Variants in PUS1 observed in about 807,000 individuals in gnomAD.
PUS1 encodes the protein pseudouridylate synthase 1 homolog.
In PUS1, 25 loss-of-function variants were observed where a neutral mutation model predicts 38.5. The observed-to-expected ratio is 0.65, with a 90% CI of 0.47 to 0.91. PUS1 has a LOEUF of 0.91. Ranked by LOEUF, PUS1 falls within the 40% of genes least tolerant of loss-of-function variation. PUS1 has a pLI of 0.00. For synonymous variants in PUS1, 282 were observed against 260.4 expected (o/e 1.08, Z -0.80); for missense variants, 597 against 612.3 (o/e 0.97, Z 0.26).
chr12:131,941,773 G>C lies in PUS1; in HGVS notation c.1026G>C (p.Lys342Asn), dbSNP rs1176704866. ...GLVLERVHFE[K>N]YNQRFGNDGL... ...TCCTGGAGAGGGTGCACTTCGAGAA[G>C]TACAACCAGCGCTTTGGCAACGATG... Residue 342 changes from lysine (K) to asparagine (N), a missense_variant, in exon 5 of 6, where the codon AAG becomes AAC. Coordinates refer to ENST00000376649, the MANE Select transcript of PUS1 (RefSeq NM_025215.6). This position sits in a 1 kb window ranked among gnomAD's most constrained non-coding sequence, Gnocchi z 4.4. 1.9e-6 allele frequency: 3 copies of C among 1,613,722 alleles called. No individual in the cohort carries two copies. The highest frequency in any genetic ancestry group is 2.5e-6 in the Non-Finnish European group (3 of 1,179,652).
In PUS1 at chr12:131,943,881, A is replaced by G; in HGVS notation, c.*295A>G. On this transcript the variant is annotated 3_prime_UTR_variant, in exon 6 of 6. Coordinates refer to ENST00000376649, the MANE Select transcript of PUS1 (RefSeq NM_025215.6). ...TCAATCCTTGGTTTGCCTTTTTCTTAGTCTTTTTTAACATTTTTTTCGTCC... is the reference window on the plus strand; with the variant it reads ...TCAATCCTTGGTTTGCCTTTTTCTTGGTCTTTTTTAACATTTTTTTCGTCC... The G allele has an allele frequency of 2.5e-6, 1 of 403,398 alleles. No homozygotes were observed. The highest frequency in any genetic ancestry group is 4.7e-6 in the Non-Finnish European group (1 of 212,950). The allele number at this position is 403,398 out of a possible 1,614,324, so 25.0% of individuals were successfully genotyped here.
intron 4 of PUS1, 113 bp downstream of exon 4, chr12:131,939,388 A>C (rs1890972700): frequency 1.3e-6 from 1 of 777,756 alleles, no homozygotes; most frequent in Non-Finnish European, 2.2e-6. Context: ...AAGCGTAGTC[A>C]GAGTTGCTTT....
At position 131,929,550 on chromosome 12, in the gene PUS1, AG is replaced by A; in HGVS notation, c.-169del. On this transcript the variant is annotated 5_prime_UTR_variant, in exon 1 of 6. Transcript: ENST00000376649. ...CTGGGGCGTCCAGGTCCGAGAGGTC[AG>A]GGGTCAGCTGGAGAGGGGCTGGGGC... 2 of 548,792 alleles carry A rather than the reference AG, an allele frequency of 3.6e-6. No homozygotes were observed. Among genetic ancestry groups the A allele is most frequent in the Admixed American group, 3.7e-5 (1 of 27,382 alleles). The allele number at this position is 548,792 out of a possible 1,614,324, so 34.0% of individuals were successfully genotyped here.
Position 131,945,256 on chromosome 12 carries a change from G to A in PUS1, c.*1670G>A, listed in dbSNP as rs1401206207. The A allele has an allele frequency of 6.6e-6, 1 of 152,436 alleles. No homozygotes were observed. The highest frequency in any genetic ancestry group is 1.5e-5 in the Non-Finnish European group (1 of 68,174). The allele number at this position is 152,436 out of a possible 1,614,324, so 9.4% of individuals were successfully genotyped here. ...GATGCTTCAGGCAGTGAGCTCCTAG[G>A]GCGTGGGGTGCCCAAGAGAGTGGAG... On this transcript the variant is annotated 3_prime_UTR_variant, in exon 6 of 6. Transcript: ENST00000376649.
chr12:131,936,290 G>GC (rs1890828678), intron 3 of PUS1, among the ~76,000 whole-genome samples: 1 of 151,786 alleles, frequency 6.6e-6, no homozygotes, highest in South Asian at 2.1e-4. Flanking sequence ...CGGGCTGGGC[G>GC]CGGGGGCTTA....
Position 131,930,042 on chromosome 12 carries a change from G to A in PUS1, c.210G>A (p.Lys70=), listed in dbSNP as rs751427304. The A allele has an allele frequency of 6.9e-7, 1 of 1,453,660 alleles. No homozygotes were observed. Among genetic ancestry groups the A allele is most frequent in the South Asian group, 1.5e-5 (1 of 67,270 alleles). The allele number at this position is 1,453,660 out of a possible 1,614,324, so 90.0% of individuals were successfully genotyped here. A position where few individuals can be genotyped will look rare whatever the true frequency, so the allele number is the denominator to read the frequency against. Residue 70 remains lysine (K), a synonymous_variant, in exon 2 of 6, where the codon AAG becomes AAA. Coordinates refer to ENST00000376649, the MANE Select transcript of PUS1 (RefSeq NM_025215.6). The part of the protein sequence containing the change: ...EDGEHPAKKL[K]SGGDEERREK... ...GAGAACATCCGGCGAAGAAGCTCAAGAGCGGTGGCGACGAGGAGCGGCGCG... is the reference window on the plus strand; with the variant it reads ...GAGAACATCCGGCGAAGAAGCTCAAAAGCGGTGGCGACGAGGAGCGGCGCG...
intron 3 of PUS1, among the ~76,000 whole-genome samples, chr12:131,937,800 C>G (rs1890896320): frequency 6.6e-6 from 1 of 152,120 alleles, no homozygotes; most frequent in African/African-American, 2.4e-5. Context: ...CCTACCTTAG[C>G]CTCCCAAAGT....
At chr12:131,935,428 G>A (rs898166811) in intron 3 of PUS1, among the ~76,000 whole-genome samples, 2 of 152,210 alleles carry the variant, frequency 1.3e-5, no homozygotes, top group African/African-American at 4.8e-5. Flanking sequence ...TTTCTCACTT[G>A]TATGGGGAAA....
rs879004530 is a variant in PUS1 at position 131,938,881 on chromosome 12, C to T, written c.442-292C>T. Among the ~76,000 whole-genome samples, 4 of 152,032 alleles carry T rather than the reference C, an allele frequency of 2.6e-5. 1 individual carries two copies. The South Asian group carries it at 8.3e-4, about 32-fold the overall frequency. ...GGACTACAGGCGCCTGTCACCATGC[C>T]CGGCTAATTTTTTGTATTTTTAGTA... On this transcript the variant is annotated intron_variant, in intron 3 of 5. Transcript: ENST00000376649.
intron 3 of PUS1, 189 bp downstream of exon 3, chr12:131,932,501 C>G: frequency 1.6e-6 from 1 of 643,340 alleles, no homozygotes; most frequent in Non-Finnish European, 2.8e-6. Flanking sequence ...GATCTAGATG[C>G]TCCCTGCCAG....
chr12:131,932,107 A>C (rs1890628172), intron 2 of PUS1, 68 bp from the exon 3 acceptor site: 2 of 1,451,292 alleles, frequency 1.4e-6, no homozygotes, highest in Non-Finnish European at 1.9e-6. Context: ...GTTCGAGACC[A>C]GCCTGGGCAA....
Position 131,943,699 on chromosome 12 carries a change from C to A in PUS1, c.*113C>A. The A allele has an allele frequency of 2.2e-6, 2 of 911,366 alleles. No homozygotes were observed. The highest frequency in any genetic ancestry group is 3.6e-6 in the Non-Finnish European group (2 of 557,604). 56.5% of individuals were successfully genotyped at this position (911,366 alleles called of 1,614,324 possible). ...GATCGCTGCAGCCATGTTTTCCCGG[C>A]CATGCCGGCGTTGTAACCTCAGGAC... On this transcript the variant is annotated 3_prime_UTR_variant, in exon 6 of 6. Transcript: ENST00000376649.
intron 3 of PUS1, among the ~76,000 whole-genome samples, chr12:131,937,299 A>G (rs1890874281): frequency 2.0e-5 from 3 of 152,208 alleles, no homozygotes; most frequent in African/African-American, 7.2e-5. Flanking sequence ...ATGAGCACCC[A>G]CATAGTCTTC....
rs1056461763 is a variant in PUS1, at chr12:131,945,095, G to A, written c.*1509G>A. 5.3e-5 allele frequency: 8 copies of A among 152,302 alleles called. No individual in the cohort carries two copies. The highest frequency in any genetic ancestry group is 2.0e-4 in the Admixed American group (3 of 15,280). 9.4% of individuals were successfully genotyped at this position (152,302 alleles called of 1,614,324 possible). On this transcript the variant is annotated 3_prime_UTR_variant, in exon 6 of 6. Coordinates refer to ENST00000376649, the MANE Select transcript of PUS1 (RefSeq NM_025215.6). ...CGGTGCACACAACTAATGCGCATGC[G>A]CCTGACGTGCCAACAATGCATGTGA...
intron 3 of PUS1, 21 bp downstream of exon 3, chr12:131,932,333 C>T (rs1028687863): frequency 4.3e-6 from 7 of 1,612,242 alleles, no homozygotes; most frequent in Admixed American, 3.3e-5. Flanking sequence ...GCCTTCTCTG[C>T]CCCTCCCCCG....
chr12:131,929,621 C>G lies in PUS1; in HGVS notation c.-102C>G. 3.0e-6 allele frequency: 3 copies of G among 986,040 alleles called. No individual in the cohort carries two copies. The highest frequency in any genetic ancestry group is 2.9e-6 in the Non-Finnish European group (2 of 700,836). 61.1% of individuals were successfully genotyped at this position (986,040 alleles called of 1,614,324 possible). A position where few individuals can be genotyped will look rare whatever the true frequency, so the allele number is the denominator to read the frequency against. On this transcript the variant is annotated 5_prime_UTR_variant, in exon 1 of 6. Coordinates refer to ENST00000376649, the MANE Select transcript of PUS1 (RefSeq NM_025215.6). ...GGGGTCAGAAGGAACAGGGCTGCAG[C>G]GTCAGGGTCCGAGAGGTTAGGGGTC...
In PUS1 at chr12:131,929,677, A is replaced by G. The variant is rs756108847; in HGVS notation, c.-46A>G. 180 of 1,221,656 alleles carry G rather than the reference A, an allele frequency of 1.5e-4. No homozygotes were observed. The highest frequency in any genetic ancestry group is 1.8e-4 in the Non-Finnish European group (168 of 951,854). The allele number at this position is 1,221,656 out of a possible 1,614,324, so 75.7% of individuals were successfully genotyped here. On this transcript the variant is annotated 5_prime_UTR_variant, in exon 1 of 6. Transcript: ENST00000376649. The stretch of plus-strand genomic sequence containing the variant: ...AGGCGGAGCTGGGGCACTGGGGGTC[A>G]GGGGTCGGGGATCAGGGCGGGGTCG...
intron 3 of PUS1, among the ~76,000 whole-genome samples, chr12:131,937,696 CT>C (rs1566145158): frequency 6.6e-6 from 1 of 152,000 alleles, no homozygotes; most frequent in Non-Finnish European, 1.5e-5. Flanking sequence ...TTTGTTTTTG[CT>C]TTCTTTTTAT....
intron 3 of PUS1, among the ~76,000 whole-genome samples, chr12:131,933,815 C>T (rs138089070): frequency 6.6e-5 from 10 of 152,144 alleles, no homozygotes; most frequent in Non-Finnish European, 1.0e-4. Flanking sequence ...AATAAAGATA[C>T]GAGACAAAGA....
Sources: gnomAD v4.1 joint callset for allele counts (sites outside exome capture counted in the v4.1 genomes callset) on GRCh38, gnomAD v4.1.1 for gene constraint, Gnocchi (gnomAD v3.1) non-coding constraint, MANE v1.5 for transcripts, NCBI Gene and HGNC (gene_info 2026-07-23, HGNC 2026-07-21) for gene names.